The following RASA1 variants were observed in gnomAD, a reference collection of about 807,000 sequenced individuals.
The protein encoded by RASA1 is RAS p21 protein activator 1.
RASA1 carries 25 observed loss-of-function variants against 132.2 expected under a neutral mutation model. The ratio of observed to expected loss-of-function variants is 0.19; its 90% CI spans 0.14 to 0.26. RASA1 has a LOEUF of 0.26. Ranked by LOEUF, RASA1 falls within the 10% of genes least tolerant of loss-of-function variation. The pLI is 1.00. For missense variants in RASA1, 964 were observed against 1,299.2 expected, an observed-to-expected ratio of 0.74 and a Z score of 3.97; for synonymous variants, 477 against 449.9, an observed-to-expected ratio of 1.06 and a Z score of -0.76.
chr5:87,294,701 G>C (rs1318724440), intron 1 of RASA1, among the ~76,000 whole-genome samples: 1 of 152,058 alleles, frequency 6.6e-6, no homozygotes, highest in Non-Finnish European at 1.5e-5. Flanking sequence ...TAATTCTGTG[G>C]TCTGATAGTA....
In RASA1 at chr5:87,338,544, T is replaced by TTC. The variant is rs1554045576; in HGVS notation, c.1017+454_1017+455insCT. 4.3e-4 allele frequency among the ~76,000 whole-genome samples: 59 copies of TTC among 137,910 alleles called. 4 individuals carry two copies. In the East Asian group the frequency reaches 8.1e-3, roughly 19 times the overall value. The allele number at this position is 137,910 out of a possible 152,430, so 90.5% of individuals were successfully genotyped here. ...ATATATATATATATAAAATTTTTTT[T>TTC]TTTTTTAAGTAGAAATGGGGTTTTA... is the stretch of plus-strand genomic sequence containing the variant. On this transcript the variant is annotated intron_variant, in intron 5 of 24. Transcript: ENST00000274376.
chr5:87,268,067 A>G lies in RASA1; in HGVS notation c.-385A>G, dbSNP rs1753644011. 2.4e-6 allele frequency: 1 copy of G among 410,326 alleles called. No individual in the cohort carries two copies. Among genetic ancestry groups the G allele is most frequent in the Non-Finnish European group, 4.3e-6 (1 of 233,180 alleles). 25.4% of individuals were successfully genotyped at this position (410,326 alleles called of 1,614,324 possible). ...GGTGGCCGGAACTGGGGTGGTGAAG[A>G]AGCGGTGGTGGCGGCTGAAGGAGCG... is the stretch of plus-strand genomic sequence containing the variant. On this transcript the variant is annotated 5_prime_UTR_variant, in exon 1 of 25. Transcript: ENST00000274376.
chr5:87,390,188 T>G (rs548329927), intron 24 of RASA1, among the ~76,000 whole-genome samples: 13 of 152,180 alleles, frequency 8.5e-5, no homozygotes, highest in Non-Finnish European at 1.8e-4. Context: ...ATTGGAGATA[T>G]AGAACAAAAT....
chr5:87,293,909 G>A (rs550087780), intron 1 of RASA1, among the ~76,000 whole-genome samples: 11 of 152,074 alleles, frequency 7.2e-5, no homozygotes, highest in African/African-American at 2.2e-4. Flanking sequence ...GGTCAGTAGC[G>A]ATTAGTAAAG....
intron 1 of RASA1, among the ~76,000 whole-genome samples, chr5:87,285,862 G>A (rs1333155019): frequency 6.6e-6 from 1 of 151,512 alleles, no homozygotes; most frequent in Non-Finnish European, 1.5e-5. Context: ...TAGGTAATCT[G>A]CCTGCCTCAG....
intron 12 of RASA1, among the ~76,000 whole-genome samples, chr5:87,371,162 A>G (rs1442835250): frequency 6.6e-6 from 1 of 152,128 alleles, no homozygotes; most frequent in African/African-American, 2.4e-5. Context: ...CATGTTTTGC[A>G]AGCCTAACAT....
chr5:87,378,594 A>G lies in RASA1; in HGVS notation c.2487+56A>G, dbSNP rs1761484619. Reference sequence around the variant, plus strand: ...TGCAAAGAACATATTTTAATAGGTAATAATTTGTAGCCAATTACATTTTAA... The same window carrying G: ...TGCAAAGAACATATTTTAATAGGTAGTAATTTGTAGCCAATTACATTTTAA... On this transcript the variant is annotated intron_variant, in intron 18 of 24. Transcript: ENST00000274376. 1.0e-5 allele frequency: 15 copies of G among 1,498,494 alleles called. No individual in the cohort carries two copies. The South Asian group carries it at 1.5e-4, about 15-fold the overall frequency. 92.8% of individuals were successfully genotyped at this position (1,498,494 alleles called of 1,614,324 possible).
At position 87,312,593 on chromosome 5, in the gene RASA1, C is replaced by T. The variant is rs890725715; in HGVS notation, c.540-18755C>T. On this transcript the variant is annotated intron_variant, in intron 1 of 24. Coordinates refer to ENST00000274376, the MANE Select transcript of RASA1 (RefSeq NM_002890.3). Reference sequence around the variant, plus strand: ...GCCTAGAGACCTTTTCGCTGGGTCTCCTCTTTCTGGGCTAGAGGTTATCGA... The same window carrying T: ...GCCTAGAGACCTTTTCGCTGGGTCTTCTCTTTCTGGGCTAGAGGTTATCGA... 5.3e-5 allele frequency among the ~76,000 whole-genome samples: 8 copies of T among 152,256 alleles called. No individual in the cohort carries two copies. In the East Asian group the frequency reaches 1.4e-3, roughly 26 times the overall value.
Position 87,308,660 on chromosome 5 carries a change from A to C in RASA1, c.540-22688A>C, listed in dbSNP as rs150623733. On this transcript the variant is annotated intron_variant, in intron 1 of 24. Transcript: ENST00000274376. Reference sequence around the variant, plus strand: ...TTGTATAACACATAAGTATACGTTTACCTATGTGTAACATACAGTAATGTT... The same window carrying C: ...TTGTATAACACATAAGTATACGTTTCCCTATGTGTAACATACAGTAATGTT... Among the ~76,000 whole-genome samples, 405 of 152,296 alleles carry C rather than the reference A, an allele frequency of 2.7e-3. 5 individuals carry two copies. The highest frequency in any genetic ancestry group is 8.3e-3 in the East Asian group (43 of 5,196).
At chr5:87,388,919 C>G (rs779565483) in intron 23 of RASA1, among the ~76,000 whole-genome samples, 42 of 152,140 alleles carry the variant, frequency 2.8e-4, no homozygotes, top group Non-Finnish European at 5.3e-4. Context: ...GTTAGGAAGC[C>G]ACACCCCCCA....
chr5:87,349,712 T>G (rs909050624), intron 8 of RASA1, among the ~76,000 whole-genome samples: 2 of 151,822 alleles, frequency 1.3e-5, no homozygotes, highest in Non-Finnish European at 1.5e-5. Context: ...GTGAGATACT[T>G]TAGTAGGAAA....
chr5:87,292,995 T>G (rs367836501), intron 1 of RASA1, among the ~76,000 whole-genome samples: 9 of 152,284 alleles, frequency 5.9e-5, no homozygotes, highest in African/African-American at 1.9e-4. Flanking sequence ...GTTAGTTCCA[T>G]GAGGTTTTTT....
intron 11 of RASA1, among the ~76,000 whole-genome samples, chr5:87,368,639 G>T (rs781254742): frequency 3.9e-5 from 6 of 152,146 alleles, no homozygotes; most frequent in Non-Finnish European, 5.9e-5. Context: ...CCCTTCAGGG[G>T]TCTCAATGGA....
rs775819060 is a variant in RASA1 at position 87,362,535 on chromosome 5, GT to G, written c.1333-10del. On this transcript the variant is annotated splice_polypyrimidine_tract_variant and intron_variant, in intron 9 of 24. Transcript: ENST00000274376. ...CAAGAATGTATGAAATAATTTTAAT[GT>G]TTTTTAAAATTCAGGATCAAGAACA... 7.6e-6 allele frequency: 12 copies of G among 1,579,102 alleles called. No individual in the cohort carries two copies. Among genetic ancestry groups the G allele is most frequent in the Non-Finnish European group, 1.0e-5 (12 of 1,149,764 alleles).
chr5:87,373,163 G>A (rs1761070101), intron 13 of RASA1, among the ~76,000 whole-genome samples: 1 of 152,026 alleles, frequency 6.6e-6, no homozygotes, highest in Non-Finnish European at 1.5e-5. Context: ...ATGTATCAGT[G>A]GGCAGTGTGA....
intron 1 of RASA1, among the ~76,000 whole-genome samples, chr5:87,304,744 A>C (rs2112291778): frequency 6.6e-6 from 1 of 152,312 alleles, no homozygotes; most frequent in Admixed American, 6.5e-5. Context: ...CTGGGATTGT[A>C]GGCATTAGCC....
At chr5:87,354,861 A>G (rs761306143) in intron 9 of RASA1, among the ~76,000 whole-genome samples, 1 of 152,222 alleles carries the variant, frequency 6.6e-6, no homozygotes, top group Non-Finnish European at 1.5e-5. Context: ...TATTGCTGAT[A>G]TAGAGAAAAT....
intron 1 of RASA1, among the ~76,000 whole-genome samples, chr5:87,310,039 AAG>A (rs1015513080): frequency 1.3e-5 from 2 of 152,146 alleles, no homozygotes; most frequent in African/African-American, 4.8e-5. Flanking sequence ...AAAAAGAAGA[AAG>A]AGAGGTAATA....
At chr5:87,372,055 C>T in intron 12 of RASA1, 63 bp from the exon 13 acceptor site, 1 of 1,350,726 alleles carries the variant, frequency 7.4e-7, no homozygotes, top group South Asian at 1.3e-5. Flanking sequence ...AAAAACCTAA[C>T]TGATGATTTG....
Sources: gnomAD v4.1 joint callset for allele counts (sites outside exome capture counted in the v4.1 genomes callset) on GRCh38, gnomAD v4.1.1 for gene constraint, MANE v1.5 for transcripts, NCBI Gene and HGNC (gene_info 2026-07-23, HGNC 2026-07-21) for gene names.